Variants in TBC1D9B observed in about 807,000 individuals in gnomAD.
TBC1D9B encodes the protein TBC1 domain family, member 9B (with GRAM domain).
In TBC1D9B, 87 loss-of-function variants were observed where a neutral mutation model predicts 121.1. That is an observed-to-expected ratio of 0.72 (90% CI 0.60 to 0.86). TBC1D9B has a LOEUF of 0.86. Ranked by LOEUF, TBC1D9B falls within the 40% of genes least tolerant of loss-of-function variation. The pLI is 0.00. For missense variants in TBC1D9B, 1,540 were observed against 1,628.6 expected (o/e 0.95, Z 0.94); for synonymous variants, 668 against 670.1 (o/e 1.00, Z 0.05).
At chr5:179,869,957 G>T in intron 16 of TBC1D9B, 123 bp from the exon 17 acceptor site, 1 of 1,033,760 alleles carries the variant, frequency 9.7e-7, no homozygotes, top group African/African-American at 1.6e-5. Flanking sequence ...AGGTCACAGG[G>T]TGAGTCCCAG....
At chr5:179,888,872 G>A (rs1760773208) in intron 6 of TBC1D9B, among the ~76,000 whole-genome samples, 1 of 152,246 alleles carries the variant, frequency 6.6e-6, no homozygotes, top group South Asian at 2.1e-4. Flanking sequence ...CAGGGGAGGC[G>A]GCCACTGAGC....
At chr5:179,906,038 C>T (rs1403054862) in intron 1 of TBC1D9B, among the ~76,000 whole-genome samples, 1 of 152,156 alleles carries the variant, frequency 6.6e-6, no homozygotes, top group African/African-American at 2.4e-5. Context: ...TGCCACCATG[C>T]CTGGATAAAT....
Position 179,904,950 on chromosome 5 carries a change from A to C in TBC1D9B, c.119-138T>G. 1 of 614,964 alleles carries C rather than the reference A, an allele frequency of 1.6e-6. No individual in the cohort carries two copies. Among genetic ancestry groups the C allele is most frequent in the South Asian group, 2.2e-5 (1 of 45,254 alleles). The allele number at this position is 614,964 out of a possible 1,614,324, so 38.1% of individuals were successfully genotyped here. On this transcript the variant is annotated intron_variant, in intron 1 of 20. Coordinates refer to ENST00000355235, the MANE Select transcript of TBC1D9B (RefSeq NM_015043.4). This position sits in a 1 kb window ranked among gnomAD's most constrained non-coding sequence, Gnocchi z 4.2. ...CCCAACGAGGGAAACGTCCGGAATG[A>C]CCCCTGCGGTCAAAGGCCTTCAGCC...
rs1057447320 is a variant in TBC1D9B, at chr5:179,885,746, G to A, written c.1254+2357C>T. On this transcript the variant is annotated intron_variant, in intron 7 of 20. Transcript: ENST00000355235. This position sits in a 1 kb window ranked among gnomAD's most constrained non-coding sequence, Gnocchi z 4.5. ...GCCACACGTGGCTGCTGTACTAGAC[G>A]GGGCACCTCTAATCCACTGTCAACA... 2.0e-5 allele frequency among the ~76,000 whole-genome samples: 3 copies of A among 152,128 alleles called. No individual in the cohort carries two copies. The highest frequency in any genetic ancestry group is 4.8e-5 in the African/African-American group (2 of 41,414).
chr5:179,901,227 T>C (rs1343657272), intron 2 of TBC1D9B, among the ~76,000 whole-genome samples: 1 of 152,062 alleles, frequency 6.6e-6, no homozygotes, highest in Non-Finnish European at 1.5e-5. Flanking sequence ...CATCCATAAT[T>C]CACTTTAAAC....
Position 179,879,063 on chromosome 5 carries a change from C to T in TBC1D9B, c.1551G>A (p.Leu517=), listed in dbSNP as rs1482690324. The change falls in exon 9 of 21, where the codon CTG becomes CTA. Residue 517 remains leucine, a synonymous_variant. Transcript: ENST00000355235. ...KGIPESLRGE[L]WLLFSGAWNE... is the part of the protein sequence containing the mutation. ...CCCACTCACCGGAGAAGAGGAGCCACAGCTCTCCCCGGAGGCTCTCAGGGA... is the reference window on the plus strand; with the variant it reads ...CCCACTCACCGGAGAAGAGGAGCCATAGCTCTCCCCGGAGGCTCTCAGGGA... 2 of 1,603,540 alleles carry T rather than the reference C, an allele frequency of 1.2e-6. No homozygotes were observed. Among genetic ancestry groups the T allele is most frequent in the East Asian group, 2.2e-5 (1 of 44,852 alleles).
rs537526485 is a variant in TBC1D9B at position 179,907,061 on chromosome 5, A to C, written c.118+643T>G. ...CAGCTTCATCCTGTGTGATGGTGGC[A>C]CCCGGGCCCACAAAGGGCCACCTTG... is the stretch of plus-strand genomic sequence containing the variant. On this transcript the variant is annotated intron_variant, in intron 1 of 20. Transcript: ENST00000355235. This position sits in a 1 kb window ranked among gnomAD's most constrained non-coding sequence, Gnocchi z 5.3. Among the ~76,000 whole-genome samples, 145 of 152,130 alleles carry C rather than the reference A, an allele frequency of 9.5e-4. No individual in the cohort carries two copies. Among genetic ancestry groups the C allele is most frequent in the Non-Finnish European group, 1.8e-3 (120 of 67,990 alleles).
Position 179,894,577 on chromosome 5 carries a change from T to C in TBC1D9B, c.386A>G (p.Gln129Arg), listed in dbSNP as rs777610547. 4 of 1,614,240 alleles carry C rather than the reference T, an allele frequency of 2.5e-6. No homozygotes were observed. The South Asian group carries it at 3.3e-5, about 13-fold the overall frequency. Residue 129 changes from glutamine to arginine, a missense_variant, in exon 4 of 21, where the codon CAG becomes CGG. Gln to Arg is a conservative substitution (Grantham distance 43). Coordinates refer to ENST00000355235, the MANE Select transcript of TBC1D9B (RefSeq NM_015043.4). Reference sequence around the variant, plus strand: ...GAACTTCCCGGGGTCCTCGTCTCCCTGGGGCTGCAGGTTCTTGTTCTCTTC... The same window carrying C: ...GAACTTCCCGGGGTCCTCGTCTCCCCGGGGCTGCAGGTTCTTGTTCTCTTC... The part of the protein sequence containing the change: ...IAEENKNLQP[Q>R]GDEDPGKFKE...
In TBC1D9B at chr5:179,907,804, C is replaced by T. The variant is rs759202339; in HGVS notation, c.18G>A (p.Glu6=). Residue 6 remains glutamate (E), a synonymous_variant, in exon 1 of 21, where the codon GAG becomes GAA. Coordinates refer to ENST00000355235, the MANE Select transcript of TBC1D9B (RefSeq NM_015043.4). This position sits in a 1 kb window ranked among gnomAD's most constrained non-coding sequence, Gnocchi z 5.3. MWLSP[E]EVLVANALWV... ...ACAGCGCATTGGCCACCAGCACCTCCTCCGGGCTCAGCCACATCGCGGAGC... is the reference window on the plus strand; with the variant it reads ...ACAGCGCATTGGCCACCAGCACCTCTTCCGGGCTCAGCCACATCGCGGAGC... 1.7e-6 allele frequency: 2 copies of T among 1,208,342 alleles called. No homozygotes were observed. The highest frequency in any genetic ancestry group is 1.1e-6 in the Non-Finnish European group (1 of 945,586). The allele number at this position is 1,208,342 out of a possible 1,614,324, so 74.9% of individuals were successfully genotyped here. A position where few individuals can be genotyped will look rare whatever the true frequency, so the allele number is the denominator to read the frequency against.
rs575277904 is a variant in TBC1D9B at position 179,904,742 on chromosome 5, G to A, written c.189C>T (p.His63=). ...SARVAPYRIL[H]QTQDSQVYWT... ...AGTAGACCTGGGAGTCCTGGGTCTG[G>A]TGCAGGATGCGGTAAGGGGCCACGC... is the stretch of plus-strand genomic sequence containing the variant. Residue 63 remains histidine (H), a synonymous_variant, in exon 2 of 21, where the codon CAC becomes CAT. Coordinates refer to ENST00000355235, the MANE Select transcript of TBC1D9B (RefSeq NM_015043.4). This position sits in a 1 kb window ranked among gnomAD's most constrained non-coding sequence, Gnocchi z 4.2. The A allele has an allele frequency of 5.7e-6, 9 of 1,579,928 alleles. No homozygotes were observed. The South Asian group carries it at 1.0e-4, about 18-fold the overall frequency.
At chr5:179,895,579 A>G (rs953579877) in intron 3 of TBC1D9B, among the ~76,000 whole-genome samples, 2 of 152,210 alleles carry the variant, frequency 1.3e-5, no homozygotes, top group Admixed American at 1.3e-4. Context: ...CAGGGTGCCC[A>G]GAGACATCCC....
Position 179,893,529 on chromosome 5 carries a change from C to T in TBC1D9B, c.578-62G>A, listed in dbSNP as rs1406023820. On this transcript the variant is annotated intron_variant, in intron 4 of 20. Transcript: ENST00000355235. ...CCTGGCAGGGCGAGGCTCCTGATGC[C>T]CATCTGTACCCCAGACCCATCCCAG... is the stretch of plus-strand genomic sequence containing the variant. 11 of 1,541,760 alleles carry T rather than the reference C, an allele frequency of 7.1e-6. No homozygotes were observed. The East Asian group carries it at 1.8e-4, about 25-fold the overall frequency.
intron 7 of TBC1D9B, 190 bp from the exon 8 acceptor site, chr5:179,879,979 G>A (rs1760489880): frequency 1.5e-6 from 1 of 665,356 alleles, no homozygotes; most frequent in Admixed American, 3.0e-5. Context: ...GCTCCTCTCT[G>A]GCTGCTGGAC....
In TBC1D9B at chr5:179,865,953, G is replaced by C. The variant is rs1395924137; in HGVS notation, c.2864-65C>G. 3 of 1,590,174 alleles carry C rather than the reference G, an allele frequency of 1.9e-6. No homozygotes were observed. ...CTGCTGTTGGGACTGCAAGCTCCTGGGGTCCTTGAGATGTAGTCTGTGTTT... is the reference window on the plus strand; with the variant it reads ...CTGCTGTTGGGACTGCAAGCTCCTGCGGTCCTTGAGATGTAGTCTGTGTTT... On this transcript the variant is annotated intron_variant, in intron 18 of 20. Transcript: ENST00000355235. The surrounding 1 kb of genome is among the most constrained non-coding windows in gnomAD (Gnocchi z 5.1).
At chr5:179,896,689 A>ATT (rs1761025561) in intron 3 of TBC1D9B, among the ~76,000 whole-genome samples, 1 of 151,704 alleles carries the variant, frequency 6.6e-6, no homozygotes, top group East Asian at 2.0e-4. Context: ...TGCCCAGCTA[A>ATT]TTTTTTATAT....
At chr5:179,887,085 A>G (rs1385463388) in intron 7 of TBC1D9B, among the ~76,000 whole-genome samples, 1 of 149,206 alleles carries the variant, frequency 6.7e-6, no homozygotes, top group African/African-American at 2.6e-5. Context: ...ACAACTGGTG[A>G]GTAAGAGGAA....
At chr5:179,867,554 G>C in intron 18 of TBC1D9B, 1 of 1,543,860 alleles carries the variant, frequency 6.5e-7, no homozygotes. Flanking sequence ...CAAGGTCCAG[G>C]AAGACAGAGA....
intron 2 of TBC1D9B, among the ~76,000 whole-genome samples, chr5:179,903,701 C>T (rs116716156): frequency 6.6e-6 from 1 of 152,216 alleles, no homozygotes; most frequent in Non-Finnish European, 1.5e-5. Flanking sequence ...CTGAATGAAG[C>T]TGCTCTCATG....
intron 8 of TBC1D9B, 94 bp downstream of exon 8, chr5:179,879,534 C>T (rs1760468189): frequency 1.3e-6 from 2 of 1,593,424 alleles, no homozygotes; most frequent in East Asian, 2.2e-5. Context: ...AGCCCAGGGC[C>T]CTGAGGGAAG....
Sources: allele counts gnomAD v4.1 joint callset (sites outside exome capture counted in the v4.1 genomes callset), GRCh38; gene constraint gnomAD v4.1.1; non-coding constraint Gnocchi (gnomAD v3.1); transcripts MANE v1.5; gene names NCBI Gene and HGNC (gene_info 2026-07-23, HGNC 2026-07-21).